RALGPS2: variants seen among roughly 807,000 people sequenced by gnomAD.
RALGPS2 encodes the protein Ral GEF with PH domain and SH3 binding motif 2.
RALGPS2 carries 43 observed loss-of-function variants against 86.8 expected under a neutral mutation model. The ratio of observed to expected loss-of-function variants is 0.50; its 90% CI spans 0.39 to 0.64. The LOEUF is 0.64. Among genes scored for constraint, RALGPS2 ranks in the 30% least tolerant of loss-of-function variants. RALGPS2 has a pLI of 0.00. For missense variants in RALGPS2, 536 were observed against 694.6 expected, an observed-to-expected ratio of 0.77 and a Z score of 2.57; for synonymous variants, 243 against 231.3, an observed-to-expected ratio of 1.05 and a Z score of -0.46.
chr1:178,824,902 T>G (rs941270095), intron 7 of RALGPS2, among the ~76,000 whole-genome samples: 2 of 152,040 alleles, frequency 1.3e-5, no homozygotes, highest in Admixed American at 6.5e-5. Flanking sequence ...GTTGGTAGAT[T>G]TCGTGGTGGG....
intron 8 of RALGPS2, among the ~76,000 whole-genome samples, chr1:178,876,499 G>A (rs886380342): frequency 4.6e-5 from 7 of 152,116 alleles, no homozygotes; most frequent in African/African-American, 1.7e-4. Flanking sequence ...AGAGAATATT[G>A]ACACCGAATT....
chr1:178,729,271 A>G (rs1650203865), intron 1 of RALGPS2, among the ~76,000 whole-genome samples: 1 of 151,850 alleles, frequency 6.6e-6, no homozygotes, highest in African/African-American at 2.4e-5. Flanking sequence ...GCCTTGCTTT[A>G]TTTATTTATT....
chr1:178,774,043 C>G (rs903121608), intron 1 of RALGPS2, among the ~76,000 whole-genome samples: 1 of 152,190 alleles, frequency 6.6e-6, no homozygotes, highest in African/African-American at 2.4e-5. Context: ...GAGTTCGAGA[C>G]CAGCCTGGCC....
At chr1:178,826,562 G>A (rs921316192) in intron 7 of RALGPS2, among the ~76,000 whole-genome samples, 46 of 152,138 alleles carry the variant, frequency 3.0e-4, no homozygotes, top group Admixed American at 1.0e-3. Flanking sequence ...GGAGAAATGG[G>A]ATTTGGGAGT....
chr1:178,789,450 A>T (rs1436969986), intron 4 of RALGPS2, among the ~76,000 whole-genome samples: 1 of 152,186 alleles, frequency 6.6e-6, no homozygotes, highest in Non-Finnish European at 1.5e-5. Context: ...GGGATGAAAA[A>T]TTATTATTGT....
chr1:178,886,410 A>G (rs2102380290), intron 13 of RALGPS2, among the ~76,000 whole-genome samples: 1 of 152,314 alleles, frequency 6.6e-6, no homozygotes, highest in African/African-American at 2.4e-5. Context: ...TGTGGAGTCA[A>G]GAATGACTTC....
chr1:178,847,030 C>T (rs1460951548), intron 8 of RALGPS2, among the ~76,000 whole-genome samples: 1 of 152,162 alleles, frequency 6.6e-6, no homozygotes, highest in Non-Finnish European at 1.5e-5. Flanking sequence ...TCAAAGAAAG[C>T]ATTATGGATT....
chr1:178,866,994 A>G (rs1658454746), intron 8 of RALGPS2, among the ~76,000 whole-genome samples: 1 of 152,104 alleles, frequency 6.6e-6, no homozygotes. Context: ...GGTCTATTAC[A>G]GGCCACCTTT....
At position 178,761,313 on chromosome 1, in the gene RALGPS2, C is replaced by G. The variant is rs548343716; in HGVS notation, c.-83-15369C>G. ...TTTTAAAAAATTCTTTTTGCTGTCC[C>G]AGCTATTCGGGAGGCTGAGGCAGGA... On this transcript the variant is annotated intron_variant, in intron 1 of 19. Transcript: ENST00000367635. Among the ~76,000 whole-genome samples, 4 of 151,904 alleles carry G rather than the reference C, an allele frequency of 2.6e-5. No homozygotes were observed. The East Asian group carries it at 5.8e-4, about 22-fold the overall frequency.
intron 8 of RALGPS2, among the ~76,000 whole-genome samples, chr1:178,834,359 A>G (rs12138054): frequency 0.045 from 6,895 of 152,270 alleles, 158 homozygotes; most frequent in Non-Finnish European, 0.057. Context: ...TACTCACACT[A>G]AATTTCAAGA....
At chr1:178,887,922 A>G (rs1049927437) in intron 13 of RALGPS2, among the ~76,000 whole-genome samples, 4 of 152,188 alleles carry the variant, frequency 2.6e-5, no homozygotes, top group Non-Finnish European at 4.4e-5. Context: ...GGAATTTGGC[A>G]TGCCACTTAA....
chr1:178,828,238 T>A (rs766601109), intron 7 of RALGPS2, among the ~76,000 whole-genome samples: 8 of 152,360 alleles, frequency 5.3e-5, no homozygotes, highest in Non-Finnish European at 1.0e-4. Flanking sequence ...CATGCATGGC[T>A]TAACAATGAG....
chr1:178,781,484 T>C (rs1653391840), intron 2 of RALGPS2, among the ~76,000 whole-genome samples: 1 of 152,224 alleles, frequency 6.6e-6, no homozygotes, highest in African/African-American at 2.4e-5. Context: ...CTTGAATGAA[T>C]TATTGCTATT....
chr1:178,811,861 A>G (rs188076173), intron 6 of RALGPS2, among the ~76,000 whole-genome samples: 89 of 152,372 alleles, frequency 5.8e-4, no homozygotes, highest in African/African-American at 2.1e-3. Flanking sequence ...TTATTGTGTG[A>G]CATAGATAAT....
intron 4 of RALGPS2, among the ~76,000 whole-genome samples, chr1:178,803,956 A>G (rs1346427528): frequency 6.6e-6 from 1 of 152,088 alleles, no homozygotes; most frequent in East Asian, 1.9e-4. Context: ...TCTTGAGTCT[A>G]TCGTATCCAT....
At chr1:178,829,411 C>T (rs1655907780) in intron 7 of RALGPS2, among the ~76,000 whole-genome samples, 1 of 152,190 alleles carries the variant, frequency 6.6e-6, no homozygotes, top group Admixed American at 6.5e-5. Context: ...GGTCCATCTC[C>T]TGTCAAATCA....
At chr1:178,829,678 T>A (rs577336129) in intron 7 of RALGPS2, among the ~76,000 whole-genome samples, 13 of 152,314 alleles carry the variant, frequency 8.5e-5, no homozygotes, top group Admixed American at 5.2e-4. Flanking sequence ...CTATAGTTAA[T>A]AAGACTATGT....
rs146563417 is a variant in RALGPS2 at position 178,841,056 on chromosome 1, A to G, written c.607+7506A>G. ...CCAGGACCAGATGGATTCACAGCCA[A>G]ATTCTACCAGAGGTACAAGGAGTTG... On this transcript the variant is annotated intron_variant, in intron 8 of 19. Coordinates refer to ENST00000367635, the MANE Select transcript of RALGPS2 (RefSeq NM_152663.5). Among the ~76,000 whole-genome samples, 1,302 of 152,352 alleles carry G rather than the reference A, an allele frequency of 8.5e-3. 17 individuals are homozygous for G. Among genetic ancestry groups the G allele is most frequent in the African/African-American group, 0.029 (1,214 of 41,560 alleles).
At chr1:178,751,347 T>A (rs1651645347) in intron 1 of RALGPS2, among the ~76,000 whole-genome samples, 1 of 152,106 alleles carries the variant, frequency 6.6e-6, no homozygotes, top group South Asian at 2.1e-4. Context: ...ATTCCTGACA[T>A]CTCTTCCTTG....
Sources: allele counts gnomAD v4.1 joint callset (sites outside exome capture counted in the v4.1 genomes callset), GRCh38; gene constraint gnomAD v4.1.1; transcripts MANE v1.5; gene names NCBI Gene and HGNC (gene_info 2026-07-23, HGNC 2026-07-21).